FGF10: variants seen among roughly 807,000 people sequenced by gnomAD.
FGF10 encodes the protein FGF-10.
FGF10 carries 2 observed loss-of-function variants against 19.8 expected under a neutral mutation model. That is an observed-to-expected ratio of 0.10 (90% confidence interval 0.04 to 0.32). The LOEUF (loss-of-function observed/expected upper bound fraction) is 0.32, where lower values mean the gene tolerates loss of function less well. Ranked by LOEUF, FGF10 falls within the 10% of genes least tolerant of loss-of-function variation. The pLI, the probability that FGF10 is intolerant of heterozygous loss-of-function variation, is 1.00. For synonymous variants in FGF10, 112 were observed against 94.0 expected (o/e 1.19, Z -1.10); for missense variants, 191 against 246.3 (o/e 0.78, Z 1.50).
intron 1 of FGF10, among the ~76,000 whole-genome samples, chr5:44,364,118 T>C (rs1741551526): frequency 6.6e-6 from 1 of 151,888 alleles, no homozygotes; most frequent in African/African-American, 2.4e-5. Context: ...TACATTTTCT[T>C]CTTTTGAAAA....
intron 1 of FGF10, among the ~76,000 whole-genome samples, chr5:44,386,053 T>C (rs1305317387): frequency 6.6e-6 from 1 of 152,274 alleles, no homozygotes; most frequent in East Asian, 1.9e-4. Context: ...TAATATATGT[T>C]ATCACAGAGA....
intron 1 of FGF10, among the ~76,000 whole-genome samples, chr5:44,321,783 A>G (rs1451064490): frequency 6.6e-6 from 1 of 152,024 alleles, no homozygotes; most frequent in African/African-American, 2.4e-5. Context: ...TTTTTTTGAG[A>G]CAGAATCTCA....
rs185081039 is a variant in FGF10, at chr5:44,301,940, G to A, written c.*3055C>T. Among the ~76,000 whole-genome samples, 40 of 152,194 alleles carry A rather than the reference G, an allele frequency of 2.6e-4. No homozygotes were observed. Among genetic ancestry groups the A allele is most frequent in the African/African-American group, 8.9e-4 (37 of 41,540 alleles). Reference sequence around the variant, plus strand: ...TTCAGCCTTTTGCGAGTTAGGAGGAGGGAGTGATTCTATATCTTTATGAGG... The same window carrying A: ...TTCAGCCTTTTGCGAGTTAGGAGGAAGGAGTGATTCTATATCTTTATGAGG... On this transcript the variant is annotated 3_prime_UTR_variant, in exon 3 of 3. Transcript: ENST00000264664.
chr5:44,318,998 C>A (rs1244390186), intron 1 of FGF10, among the ~76,000 whole-genome samples: 4 of 152,132 alleles, frequency 2.6e-5, no homozygotes, highest in African/African-American at 7.2e-5. Flanking sequence ...ATATCCAATT[C>A]TCTTTCGTAA....
intron 1 of FGF10, among the ~76,000 whole-genome samples, chr5:44,384,008 AT>A (rs1429578544): frequency 6.6e-6 from 1 of 152,074 alleles, no homozygotes; most frequent in Non-Finnish European, 1.5e-5. Context: ...ATCATTTTAT[AT>A]GGTAAAGTGT....
At chr5:44,357,386 A>T (rs1435563400) in intron 1 of FGF10, among the ~76,000 whole-genome samples, 2 of 151,456 alleles carry the variant, frequency 1.3e-5, no homozygotes, top group African/African-American at 4.8e-5. Flanking sequence ...GTTTATAGAT[A>T]TAAAAGTTGA....
chr5:44,340,279 C>T (rs563919790), intron 1 of FGF10, among the ~76,000 whole-genome samples: 23 of 152,158 alleles, frequency 1.5e-4, no homozygotes, highest in Admixed American at 9.2e-4. Context: ...AATAACACTC[C>T]TTTCCCTGTC....
intron 1 of FGF10, among the ~76,000 whole-genome samples, chr5:44,311,655 T>C (rs1036775063): frequency 6.6e-6 from 1 of 152,128 alleles, no homozygotes; most frequent in African/African-American, 2.4e-5. Flanking sequence ...TAGTATCTTC[T>C]TAATTATCAT....
intron 1 of FGF10, among the ~76,000 whole-genome samples, chr5:44,339,640 T>G (rs958985663): frequency 6.6e-6 from 1 of 152,140 alleles, no homozygotes; most frequent in Non-Finnish European, 1.5e-5. Context: ...TTTTCCACTT[T>G]GCAATTCTTT....
rs1739945291 is a variant in FGF10, at chr5:44,300,370, C to T, written c.*4625G>A. On this transcript the variant is annotated 3_prime_UTR_variant, in exon 3 of 3. Coordinates refer to ENST00000264664, the MANE Select transcript of FGF10 (RefSeq NM_004465.2). Reference sequence around the variant, plus strand: ...TACTCTTGGGATAAACTGAAAGAAACATTTATAACATCATATTGTGATACA... The same window carrying T: ...TACTCTTGGGATAAACTGAAAGAAATATTTATAACATCATATTGTGATACA... Among the ~76,000 whole-genome samples, 1 of 151,832 alleles carries T rather than the reference C, an allele frequency of 6.6e-6. No homozygotes were observed. The highest frequency in any genetic ancestry group is 2.1e-4 in the South Asian group (1 of 4,814).
chr5:44,336,700 A>G (rs1740861251), intron 1 of FGF10, among the ~76,000 whole-genome samples: 1 of 152,224 alleles, frequency 6.6e-6, no homozygotes, highest in African/African-American at 2.4e-5. Context: ...AAATAAAAAT[A>G]GAATTTAGAA....
chr5:44,309,230 T>C (rs530285726), intron 2 of FGF10, among the ~76,000 whole-genome samples: 2 of 152,258 alleles, frequency 1.3e-5, no homozygotes, highest in South Asian at 4.2e-4. Context: ...TCCAAGTTTA[T>C]AGTTGCCTTC....
intron 1 of FGF10, among the ~76,000 whole-genome samples, chr5:44,317,670 C>T (rs997838551): frequency 6.6e-6 from 1 of 152,098 alleles, no homozygotes; most frequent in Non-Finnish European, 1.5e-5. Context: ...AGATGACCAT[C>T]TAATAGGTTT....
chr5:44,338,293 T>G (rs1160822208), intron 1 of FGF10, among the ~76,000 whole-genome samples: 1 of 152,222 alleles, frequency 6.6e-6, no homozygotes, highest in Non-Finnish European at 1.5e-5. Flanking sequence ...TATTTTTATT[T>G]TCTTTGTACT....
intron 1 of FGF10, among the ~76,000 whole-genome samples, chr5:44,369,470 TAAA>T (rs990953156): frequency 6.6e-6 from 1 of 152,050 alleles, no homozygotes; most frequent in African/African-American, 2.4e-5. Flanking sequence ...TCCTGTGGCT[TAAA>T]AAAGAAGAAG....
At chr5:44,312,477 A>G (rs1374091506) in intron 1 of FGF10, among the ~76,000 whole-genome samples, 2 of 151,990 alleles carry the variant, frequency 1.3e-5, no homozygotes, top group African/African-American at 2.4e-5. Flanking sequence ...TCCCATTCCT[A>G]CAAGGGAACC....
intron 1 of FGF10, among the ~76,000 whole-genome samples, chr5:44,321,981 T>C (rs930386888): frequency 2.6e-5 from 4 of 152,154 alleles, no homozygotes; most frequent in African/African-American, 7.2e-5. Flanking sequence ...CAGGCTGGCA[T>C]TGAACTCCTG....
At chr5:44,386,354 T>C (rs1450371843) in intron 1 of FGF10, among the ~76,000 whole-genome samples, 1 of 152,150 alleles carries the variant, frequency 6.6e-6, no homozygotes, top group Non-Finnish European at 1.5e-5. Flanking sequence ...AAATGTTTGC[T>C]CAAGGATAAC....
chr5:44,320,728 C>A (rs1361813075), intron 1 of FGF10, among the ~76,000 whole-genome samples: 1 of 151,534 alleles, frequency 6.6e-6, no homozygotes, highest in Non-Finnish European at 1.5e-5. Context: ...TTTTCTTTTT[C>A]TCTACTTTTT....
Sources: allele counts gnomAD v4.1 joint callset (sites outside exome capture counted in the v4.1 genomes callset), GRCh38; gene constraint gnomAD v4.1.1; transcripts MANE v1.5; gene names NCBI Gene and HGNC (gene_info 2026-07-23, HGNC 2026-07-21).